Variants in ASB2 observed in about 807,000 individuals in gnomAD.
ASB2 encodes the protein ankyrin repeat and SOCS box protein 2.
In ASB2, 58 loss-of-function variants were observed where a neutral mutation model predicts 62.4. The ratio of observed to expected loss-of-function variants is 0.93; its 90% confidence interval spans 0.75 to 1.16. ASB2 has a LOEUF of 1.16. ASB2 is among the 50% of genes most tolerant of loss of function. ASB2 has a pLI of 0.00. For synonymous variants in ASB2, 386 were observed against 385.3 expected, an observed-to-expected ratio of 1.00 and a Z score of -0.02; for missense variants, 928 against 887.9, an observed-to-expected ratio of 1.05 and a Z score of -0.57.
At chr14:93,956,490 C>T (rs1889210007) in intron 3 of ASB2, among the ~76,000 whole-genome samples, 1 of 151,902 alleles carries the variant, frequency 6.6e-6, no homozygotes, top group Admixed American at 6.5e-5. Flanking sequence ...TGGGGCTCCT[C>T]CAGCACTCAG....
At chr14:93,976,023 A>T (rs1203670611) in intron 1 of ASB2, among the ~76,000 whole-genome samples, 1 of 152,212 alleles carries the variant, frequency 6.6e-6, no homozygotes, top group Admixed American at 6.5e-5. Context: ...CAACAGCTAC[A>T]TTAAATTAAC....
Position 93,952,662 on chromosome 14 carries a change from C to T in ASB2, c.634+690G>A, listed in dbSNP as rs558572957. On this transcript the variant is annotated intron_variant, in intron 5 of 9. Transcript: ENST00000555019. ...CCCTTGCAAGCTGTGTGATCCTGGGCGACCCATTTAATGTCTTGGTGCCTT... is the reference window on the plus strand; with the variant it reads ...CCCTTGCAAGCTGTGTGATCCTGGGTGACCCATTTAATGTCTTGGTGCCTT... 1.2e-4 allele frequency among the ~76,000 whole-genome samples: 18 copies of T among 152,248 alleles called. No individual in the cohort carries two copies. In the South Asian group the frequency reaches 1.4e-3, roughly 12 times the overall value.
chr14:93,949,764 T>G (rs1375031034), intron 6 of ASB2, among the ~76,000 whole-genome samples: 1 of 152,138 alleles, frequency 6.6e-6, no homozygotes, highest in Non-Finnish European at 1.5e-5. Context: ...TTGGAGTTAT[T>G]GAGGTCACCC....
At chr14:93,943,293 A>G (rs1007937157) in intron 7 of ASB2, among the ~76,000 whole-genome samples, 17 of 152,222 alleles carry the variant, frequency 1.1e-4, no homozygotes, top group Admixed American at 7.2e-4. Context: ...CCCTAAACAC[A>G]GAGGCATTCT....
intron 3 of ASB2, 99 bp from the exon 4 acceptor site, chr14:93,954,582 C>T (rs796253682): frequency 1.2e-4 from 133 of 1,104,528 alleles, no homozygotes; most frequent in South Asian, 9.3e-4. Flanking sequence ...ACTCGGTCCT[C>T]GTCCCTGCTG....
chr14:93,947,522 T>C lies in ASB2; in HGVS notation c.881-2A>G, dbSNP rs1471584748. ...TGGCCTGCGTGTTGATGTCAGCACC[T>C]GGGGAAGGAGAAGAGATCAGCAAGT... On this transcript the variant is annotated splice_acceptor_variant, in intron 6 of 9. Coordinates refer to ENST00000555019, the MANE Select transcript of ASB2 (RefSeq NM_001202429.2). LOFTEE classifies it high-confidence loss of function. 1 of 1,613,444 alleles carries C rather than the reference T, an allele frequency of 6.2e-7. No homozygotes were observed. The highest frequency in any genetic ancestry group is 1.7e-5 in the Admixed American group (1 of 60,012).
chr14:93,939,721 A>G (rs1186963292), intron 7 of ASB2, 49 bp from the exon 8 acceptor site: 2 of 1,334,930 alleles, frequency 1.5e-6, no homozygotes, highest in African/African-American at 1.6e-5. Flanking sequence ...CGGGGTGTGG[A>G]CGGGTAGGGC....
chr14:93,954,528 C>T lies in ASB2; in HGVS notation c.312-45G>A, dbSNP rs758133926. On this transcript the variant is annotated intron_variant, in intron 3 of 9. Transcript: ENST00000555019. Reference sequence around the variant, plus strand: ...GTCAGTCCTCAAGGTCAGGCCAAGGCCAGGCCAGGGGGCCTCTCTCTCAGG... The same window carrying T: ...GTCAGTCCTCAAGGTCAGGCCAAGGTCAGGCCAGGGGGCCTCTCTCTCAGG... 2.5e-6 allele frequency: 4 copies of T among 1,592,742 alleles called. No individual in the cohort carries two copies. In the Admixed American group the frequency reaches 5.0e-5, roughly 20 times the overall value.
intron 1 of ASB2, among the ~76,000 whole-genome samples, chr14:93,966,081 A>T (rs922522441): frequency 3.9e-5 from 6 of 152,226 alleles, no homozygotes; most frequent in African/African-American, 1.4e-4. Flanking sequence ...TCATGGGTGG[A>T]CTTGACCCTG....
chr14:93,958,899 G>GA (rs1889314663), intron 2 of ASB2, among the ~76,000 whole-genome samples: 2 of 152,220 alleles, frequency 1.3e-5, no homozygotes, highest in South Asian at 4.1e-4. Context: ...AAAGCACTGG[G>GA]AAAAAGCCCA....
In ASB2 at chr14:93,956,878, G is replaced by C; in HGVS notation, c.207-8C>G. The C allele has an allele frequency of 6.2e-7, 1 of 1,614,166 alleles. No homozygotes were observed. The highest frequency in any genetic ancestry group is 1.1e-5 in the South Asian group (1 of 91,088). ...TCAGGAGGTGCAGTGGACCTGGAGGGTGCAGAGCAGGAGTGAAAGAGGGAA... is the reference window on the plus strand; with the variant it reads ...TCAGGAGGTGCAGTGGACCTGGAGGCTGCAGAGCAGGAGTGAAAGAGGGAA... On this transcript the variant is annotated splice_polypyrimidine_tract_variant and splice_region_variant and intron_variant, in intron 2 of 9. Transcript: ENST00000555019.
intron 6 of ASB2, among the ~76,000 whole-genome samples, chr14:93,948,889 G>A (rs555943049): frequency 8.5e-5 from 13 of 152,296 alleles, no homozygotes; most frequent in Admixed American, 5.9e-4. Context: ...GCAGTGAGCC[G>A]GGATCACACC....
At chr14:93,972,870 G>C (rs1455968046) in intron 1 of ASB2, among the ~76,000 whole-genome samples, 1 of 152,190 alleles carries the variant, frequency 6.6e-6, no homozygotes, top group Non-Finnish European at 1.5e-5. Context: ...CTAGGAGTTT[G>C]AGCCTTTGCT....
rs549032595 is a variant in ASB2 at position 93,939,189 on chromosome 14, G to T, written c.1536C>A (p.Asn512Lys). The T allele has an allele frequency of 3.1e-5, 50 of 1,596,166 alleles. 1 individual carries two copies. The South Asian group carries it at 5.4e-4, about 17-fold the overall frequency. ...GCTGCGGGGCCGGCGGGTGCGGGCCGTTGCCGTAGAGGCATGAGAAGCAGG... is the reference window on the plus strand; with the variant it reads ...GCTGCGGGGCCGGCGGGTGCGGGCCTTTGCCGTAGAGGCATGAGAAGCAGG... The part of the protein sequence containing the change: ...GEPCFSCLYG[N>K]GPHPPAPQPS... Residue 512 changes from asparagine to lysine, a missense_variant, in exon 8 of 10, where the codon AAC becomes AAA. Asn to Lys is a moderately conservative substitution (Grantham distance 94). Transcript: ENST00000555019.
chr14:93,953,535 G>A (rs370091111), intron 4 of ASB2, 28 bp from the exon 5 acceptor site: 243 of 1,553,244 alleles, frequency 1.6e-4, no homozygotes, highest in Non-Finnish European at 1.9e-4. Context: ...GGAAATTCAT[G>A]TAGGAGAAAG....
chr14:93,956,771 C>T lies in ASB2; in HGVS notation c.306G>A (p.Gln102=), dbSNP rs1238094982. 2 of 1,614,088 alleles carry T rather than the reference C, an allele frequency of 1.2e-6. No homozygotes were observed. Among genetic ancestry groups the T allele is most frequent in the Non-Finnish European group, 1.7e-6 (2 of 1,180,042 alleles). The change falls in exon 3 of 10, where the codon CAG becomes CAA. Residue 102 remains glutamine, a synonymous_variant. Transcript: ENST00000555019. Reference sequence around the variant, plus strand: ...GCCAGACAGGAGTCACTTACGCCAGCTGGGAGGTCTTGAACAAGCTGCTGC... The same window carrying T: ...GCCAGACAGGAGTCACTTACGCCAGTTGGGAGGTCTTGAACAAGCTGCTGC... ...KYSSSLFKTS[Q]LAPADPLIKA... is the part of the protein sequence containing the mutation.
rs539713075 is a variant in ASB2 at position 93,941,887 on chromosome 14, G to A, written c.1053-2215C>T. On this transcript the variant is annotated intron_variant, in intron 7 of 9. Coordinates refer to ENST00000555019, the MANE Select transcript of ASB2 (RefSeq NM_001202429.2). ...AATCAGAAAGTGAATGTGTAACGCC[G>A]GACAGGCTCTGGAGATCAGTGCGTC... is the stretch of plus-strand genomic sequence containing the variant. 8.5e-5 allele frequency among the ~76,000 whole-genome samples: 13 copies of A among 152,358 alleles called. 1 individual carries two copies. Among genetic ancestry groups the A allele is most frequent in the African/African-American group, 2.4e-4 (10 of 41,586 alleles).
intron 2 of ASB2, chr14:93,957,132 C>T: frequency 7.4e-7 from 1 of 1,355,142 alleles, no homozygotes; most frequent in Non-Finnish European, 9.5e-7. Flanking sequence ...AACCTCACCC[C>T]ACCCCCCGGT....
At chr14:93,945,865 A>G (rs1888703911) in intron 7 of ASB2, among the ~76,000 whole-genome samples, 1 of 152,314 alleles carries the variant, frequency 6.6e-6, no homozygotes, top group Admixed American at 6.5e-5. Context: ...AACATGCCCC[A>G]ATACACGCAG....
Sources: allele counts gnomAD v4.1 joint callset (sites outside exome capture counted in the v4.1 genomes callset), GRCh38; gene constraint gnomAD v4.1.1; transcripts MANE v1.5; gene names NCBI Gene and HGNC (gene_info 2026-07-23, HGNC 2026-07-21).